The following ARMH3 variants were observed in gnomAD, a reference collection of about 807,000 sequenced individuals.
ARMH3 encodes armadillo-like helical domain-containing protein 3.
Under a neutral mutation model 99.1 loss-of-function variants are expected in ARMH3, and 60 were observed. The ratio of observed to expected loss-of-function variants is 0.61; its 90% CI spans 0.49 to 0.75. ARMH3 has a LOEUF of 0.75. ARMH3 is among the 30% of genes least tolerant of loss of function. ARMH3 has a pLI of 0.00. For missense variants in ARMH3, 679 were observed against 843.1 expected (o/e 0.81, Z 2.41); for synonymous variants, 285 against 292.8 (o/e 0.97, Z 0.27).
intron 24 of ARMH3, among the ~76,000 whole-genome samples, chr10:101,856,220 A>G (rs1176219900): frequency 1.3e-5 from 2 of 152,206 alleles, no homozygotes; most frequent in Non-Finnish European, 2.9e-5. Flanking sequence ...GCAGTTGAAC[A>G]CCCTGCTCAA....
chr10:101,925,092 C>T (rs1300401739), intron 23 of ARMH3, among the ~76,000 whole-genome samples: 3 of 152,100 alleles, frequency 2.0e-5, no homozygotes, highest in East Asian at 1.9e-4. Flanking sequence ...AAGTGTAGGA[C>T]GGGAGAGAAC....
At chr10:101,955,159 G>T (rs923051334) in intron 22 of ARMH3, among the ~76,000 whole-genome samples, 2 of 152,160 alleles carry the variant, frequency 1.3e-5, no homozygotes, top group African/African-American at 4.8e-5. Flanking sequence ...GTCTATTAGA[G>T]AGTTCTTATG....
intron 23 of ARMH3, among the ~76,000 whole-genome samples, chr10:101,908,664 CTTTTTTT>C (rs373262667): frequency 7.3e-6 from 1 of 137,360 alleles, no homozygotes; most frequent in African/African-American, 2.6e-5. Context: ...TTTTCTTTTT[CTTTTTTT>C]TTTTTTTTTG....
At chr10:101,998,729 C>G (rs1162130967) in intron 15 of ARMH3, among the ~76,000 whole-genome samples, 1 of 152,196 alleles carries the variant, frequency 6.6e-6, no homozygotes, top group East Asian at 1.9e-4. Context: ...TCTTGCCTTT[C>G]AGCTCCATTC....
At chr10:102,052,714 A>G (rs1174999110) in intron 1 of ARMH3, among the ~76,000 whole-genome samples, 2 of 152,332 alleles carry the variant, frequency 1.3e-5, no homozygotes, top group South Asian at 2.1e-4. Context: ...GAGGAAGTGC[A>G]TAATCTGCTA....
chr10:101,954,860 G>T (rs539577873), intron 22 of ARMH3, among the ~76,000 whole-genome samples: 1 of 152,110 alleles, frequency 6.6e-6, no homozygotes, highest in South Asian at 2.1e-4. Context: ...ACATTCACAG[G>T]TATCTTCTCT....
At chr10:102,043,922 T>C (rs1365004495) in intron 1 of ARMH3, among the ~76,000 whole-genome samples, 1 of 152,066 alleles carries the variant, frequency 6.6e-6, no homozygotes, top group Non-Finnish European at 1.5e-5. Flanking sequence ...TATACAACTT[T>C]TTTTTGTTTT....
At chr10:101,924,484 C>T (rs1843427079) in intron 23 of ARMH3, among the ~76,000 whole-genome samples, 1 of 151,154 alleles carries the variant, frequency 6.6e-6, no homozygotes, top group South Asian at 2.1e-4. Context: ...GCCTCAGCCT[C>T]CCAAGTAGCT....
At chr10:101,874,069 T>A (rs1319845452) in intron 24 of ARMH3, among the ~76,000 whole-genome samples, 1 of 152,188 alleles carries the variant, frequency 6.6e-6, no homozygotes, top group African/African-American at 2.4e-5. Context: ...CATTAGTTTA[T>A]TTATATAAAA....
At chr10:101,853,080 G>A (rs1050932081) in intron 24 of ARMH3, among the ~76,000 whole-genome samples, 1 of 146,440 alleles carries the variant, frequency 6.8e-6, no homozygotes, top group Non-Finnish European at 1.5e-5. Flanking sequence ...TAGTAGAGAC[G>A]GGGTTTCATG....
rs544120455 is a variant in ARMH3, at chr10:102,036,863, C to A, written c.102+3150G>T. ...TCTCCGAGAAACACCCAAGAATGAT[C>A]AATAAAAAAAAAAAAAAAAGAAAGA... On this transcript the variant is annotated intron_variant, in intron 2 of 25. Coordinates refer to ENST00000370033, the MANE Select transcript of ARMH3 (RefSeq NM_024541.3). Among the ~76,000 whole-genome samples, 111 of 134,516 alleles carry A rather than the reference C, an allele frequency of 8.3e-4. 1 individual carries two copies. The East Asian group carries it at 0.019, about 23-fold the overall frequency. The allele number at this position is 134,516 out of a possible 152,430, so 88.2% of individuals were successfully genotyped here.
At position 101,889,454 on chromosome 10, in the gene ARMH3, G is replaced by A. The variant is rs899824210; in HGVS notation, c.1818C>T (p.Ser606=). The change falls in exon 24 of 26, where the codon TCC becomes TCT. Residue 606 remains serine, a synonymous_variant. Coordinates refer to ENST00000370033, the MANE Select transcript of ARMH3 (RefSeq NM_024541.3). ...IINHFNPKIE[S]YAAVNHISQL... ...GGGATATGTGATTCACAGCAGCGTA[G>A]GACTCAATTTTGGGGTTAAAGTGGT... is the stretch of plus-strand genomic sequence containing the variant. The A allele has an allele frequency of 1.9e-6, 3 of 1,613,848 alleles. No homozygotes were observed. The highest frequency in any genetic ancestry group is 2.2e-5 in the East Asian group (1 of 44,892).
At chr10:102,022,205 C>A (rs977227373) in intron 8 of ARMH3, among the ~76,000 whole-genome samples, 1 of 151,986 alleles carries the variant, frequency 6.6e-6, no homozygotes, top group African/African-American at 2.4e-5. Flanking sequence ...CAGAATGTAT[C>A]CTTGTTAAGT....
chr10:102,020,067 C>T (rs1018753410), intron 8 of ARMH3, among the ~76,000 whole-genome samples: 1 of 149,376 alleles, frequency 6.7e-6, no homozygotes, highest in Non-Finnish European at 1.5e-5. Flanking sequence ...TCAAACATCA[C>T]AAAATATAGT....
rs2067378359 is a variant in ARMH3 at position 102,040,264 on chromosome 10, G to A, written c.-11-139C>T. 5.7e-6 allele frequency: 4 copies of A among 701,056 alleles called. No individual in the cohort carries two copies. In the African/African-American group the frequency reaches 7.1e-5, roughly 12 times the overall value. 43.4% of individuals were successfully genotyped at this position (701,056 alleles called of 1,614,324 possible). ...AATCCTAATGTAAACTGTGGACTTT[G>A]GGTGGTAACAATATATGAATGTAAG... On this transcript the variant is annotated intron_variant, in intron 1 of 25. Coordinates refer to ENST00000370033, the MANE Select transcript of ARMH3 (RefSeq NM_024541.3).
chr10:102,032,761 T>C (rs1425195371), intron 4 of ARMH3, among the ~76,000 whole-genome samples: 1 of 152,188 alleles, frequency 6.6e-6, no homozygotes, highest in Non-Finnish European at 1.5e-5. Context: ...ACTTCTTCCC[T>C]TTCTCAAGCA....
chr10:102,055,370 G>T (rs1034855549), intron 1 of ARMH3, among the ~76,000 whole-genome samples: 4 of 152,080 alleles, frequency 2.6e-5, no homozygotes, highest in Non-Finnish European at 5.9e-5. Flanking sequence ...ACTGCGGAGG[G>T]TCGGATGATC....
intron 19 of ARMH3, among the ~76,000 whole-genome samples, chr10:101,982,128 C>A (rs1846263640): frequency 6.6e-6 from 1 of 151,012 alleles, no homozygotes; most frequent in African/African-American, 2.4e-5. Context: ...CACCTGTAAT[C>A]CCAGCACTTT....
At chr10:101,863,644 T>C (rs945713544) in intron 24 of ARMH3, among the ~76,000 whole-genome samples, 3 of 152,116 alleles carry the variant, frequency 2.0e-5, no homozygotes, top group Non-Finnish European at 4.4e-5. Flanking sequence ...AAAAAATTGG[T>C]TGTGCATGGT....
Sources: allele counts gnomAD v4.1 joint callset (sites outside exome capture counted in the v4.1 genomes callset), GRCh38; gene constraint gnomAD v4.1.1; transcripts MANE v1.5; gene names NCBI Gene and HGNC (gene_info 2026-07-23, HGNC 2026-07-21).